Variants in FRY observed in about 807,000 individuals in gnomAD.
FRY encodes the protein FRY microtubule binding protein.
FRY carries 128 observed loss-of-function variants against 348.4 expected under a neutral mutation model. The ratio of observed to expected loss-of-function variants is 0.37; its 90% CI spans 0.32 to 0.43. The LOEUF (loss-of-function observed/expected upper bound fraction) is 0.43. Ranked by LOEUF, FRY falls within the 20% of genes least tolerant of loss-of-function variation. The pLI, the probability that FRY is intolerant of heterozygous loss-of-function variation, is 1.00. For synonymous variants in FRY, 1,370 were observed against 1,374.7 expected, an observed-to-expected ratio of 1.00 and a Z score of 0.08; for missense variants, 2,736 against 3,695.2, an observed-to-expected ratio of 0.74 and a Z score of 6.73.
At chr13:32,143,657 A>G (rs370608780) in intron 11 of FRY, among the ~76,000 whole-genome samples, 1 of 152,250 alleles carries the variant, frequency 6.6e-6, no homozygotes, top group East Asian at 1.9e-4. Flanking sequence ...ATTTCAAATG[A>G]TATGCTATGC....
At chr13:32,290,392 T>C (rs1182775071) in intron 59 of FRY, among the ~76,000 whole-genome samples, 2 of 152,054 alleles carry the variant, frequency 1.3e-5, no homozygotes, top group African/African-American at 4.8e-5. Context: ...ACTGAAGAGC[T>C]TGCTGGAGGA....
Position 32,239,433 on chromosome 13 carries a change from A to T in FRY, c.6516+84A>T, listed in dbSNP as rs1886388505. On this transcript the variant is annotated intron_variant, in intron 45 of 60. Coordinates refer to ENST00000542859, the MANE Select transcript of FRY (RefSeq NM_023037.3). The surrounding 1 kb of genome is among the most constrained non-coding windows in gnomAD (Gnocchi z 4.3). ...GTCAGGCAAATTACAAGGCCCAGAG[A>T]TGGCAGTGATTTTCTCAAAAACTGG... is the stretch of plus-strand genomic sequence containing the variant. 2.4e-6 allele frequency: 2 copies of T among 848,514 alleles called. No individual in the cohort carries two copies. The highest frequency in any genetic ancestry group is 4.8e-5 in the East Asian group (2 of 41,482). 52.6% of individuals were successfully genotyped at this position (848,514 alleles called of 1,614,324 possible).
chr13:32,139,058 A>G lies in FRY; in HGVS notation c.1179+2086A>G, dbSNP rs114683203. Among the ~76,000 whole-genome samples, 817 of 152,358 alleles carry G rather than the reference A, an allele frequency of 5.4e-3. 5 individuals carry two copies. Among genetic ancestry groups the G allele is most frequent in the African/African-American group, 0.019 (786 of 41,586 alleles). ...CGTCAAGGCTAAAAGATATAAAAAT[A>G]TCCTTGATAAGATAAAAATGAAATA... On this transcript the variant is annotated intron_variant, in intron 11 of 60. Transcript: ENST00000542859.
intron 1 of FRY, among the ~76,000 whole-genome samples, chr13:32,057,337 A>G (rs1001795552): frequency 6.6e-6 from 1 of 151,824 alleles, no homozygotes; most frequent in Non-Finnish European, 1.5e-5. Flanking sequence ...ACACCTAGCT[A>G]AATTTTGTAT....
Position 32,234,674 on chromosome 13 carries a change from C to T in FRY, c.5628C>T (p.Ala1876=), listed in dbSNP as rs765207720. The change falls in exon 42 of 61, where the codon GCC becomes GCT. Residue 1876 remains alanine, a synonymous_variant. Transcript: ENST00000542859. ...YAGRSFQIFR[A]LKQPLSAHAL... ...GTCGGTCCTTCCAGATATTCCGGGC[C>T]CTCAAGCAACCTCTGTCAGCACATG... 10 of 1,614,058 alleles carry T rather than the reference C, an allele frequency of 6.2e-6. No individual in the cohort carries two copies. The highest frequency in any genetic ancestry group is 1.6e-4 in the Middle Eastern group (1 of 6,062).
intron 8 of FRY, among the ~76,000 whole-genome samples, chr13:32,132,749 C>T (rs1028245296): frequency 6.6e-6 from 1 of 152,188 alleles, no homozygotes; most frequent in Non-Finnish European, 1.5e-5. Context: ...ATGTTCATAG[C>T]AGCATTATTC....
At chr13:32,231,775 C>T (rs1885928492) in intron 41 of FRY, among the ~76,000 whole-genome samples, 1 of 152,170 alleles carries the variant, frequency 6.6e-6, no homozygotes, top group Non-Finnish European at 1.5e-5. Context: ...CAGTGTGACT[C>T]CTTTAGCATT....
chr13:32,230,728 C>A (rs961598460), intron 40 of FRY, among the ~76,000 whole-genome samples: 1 of 152,158 alleles, frequency 6.6e-6, no homozygotes, highest in East Asian at 1.9e-4. Flanking sequence ...TTTGAGGAAT[C>A]GCCACACTGT....
chr13:32,146,493 G>T (rs1039233800), intron 11 of FRY, among the ~76,000 whole-genome samples: 2 of 151,866 alleles, frequency 1.3e-5, no homozygotes, highest in Non-Finnish European at 2.9e-5. Flanking sequence ...CCGCCACCAG[G>T]CCCAGCTAAT....
At chr13:32,265,233 T>C (rs1229349858) in intron 53 of FRY, among the ~76,000 whole-genome samples, 1 of 152,200 alleles carries the variant, frequency 6.6e-6, no homozygotes, top group African/African-American at 2.4e-5. Flanking sequence ...TTGGGGACCA[T>C]TATGGAAGAG....
intron 14 of FRY, among the ~76,000 whole-genome samples, chr13:32,151,957 G>T (rs972656330): frequency 4.6e-5 from 7 of 152,124 alleles, no homozygotes; most frequent in African/African-American, 1.7e-4. Flanking sequence ...GGATACAAGA[G>T]AAATAAAATC....
rs1417911142 is a variant in FRY at position 32,078,825 on chromosome 13, GT to G, written c.71-4del. 3 of 1,610,382 alleles carry G rather than the reference GT, an allele frequency of 1.9e-6. No homozygotes were observed. The Admixed American group carries it at 5.0e-5, about 27-fold the overall frequency. On this transcript the variant is annotated splice_polypyrimidine_tract_variant and splice_region_variant and intron_variant, in intron 1 of 60. Coordinates refer to ENST00000542859, the MANE Select transcript of FRY (RefSeq NM_023037.3). ...ATCAGCCAGTAAGAATGCCCATTCT[GT>G]TTTTCAGCTTCTCCCGTTGGCAACG...
chr13:32,295,031 T>C (rs982704717), intron 60 of FRY, among the ~76,000 whole-genome samples, 171 bp from the exon 61 acceptor site: 1 of 152,196 alleles, frequency 6.6e-6, no homozygotes, highest in Non-Finnish European at 1.5e-5. Context: ...ACTCTGAAGA[T>C]ACTAAAACCC....
intron 1 of FRY, among the ~76,000 whole-genome samples, chr13:32,068,263 AAAGAG>A (rs1177636379): frequency 6.6e-6 from 1 of 152,168 alleles, no homozygotes; most frequent in Non-Finnish European, 1.5e-5. Flanking sequence ...AGAAATTAGA[AAAGAG>A]AAGAAAATGA....
At chr13:32,162,296 A>G (rs1298007751) in intron 17 of FRY, among the ~76,000 whole-genome samples, 1 of 152,300 alleles carries the variant, frequency 6.6e-6, no homozygotes, top group Admixed American at 6.5e-5. Flanking sequence ...TGAATGATGC[A>G]TTACACATAG....
chr13:32,045,463 T>C (rs1872972647), intron 1 of FRY, among the ~76,000 whole-genome samples: 1 of 152,222 alleles, frequency 6.6e-6, no homozygotes, highest in Non-Finnish European at 1.5e-5. Flanking sequence ...GCTTTGAACG[T>C]TGATCTCCAC....
intron 55 of FRY, among the ~76,000 whole-genome samples, chr13:32,268,499 A>ATAT (rs61001159): frequency 5.0e-4 from 8 of 15,986 alleles, no homozygotes; most frequent in African/African-American, 1.2e-3. Flanking sequence ...AAAAAAAAAA[A>ATAT]AAAAAAATAT....
chr13:32,191,919 A>G (rs1310421053), intron 28 of FRY, among the ~76,000 whole-genome samples: 1 of 152,188 alleles, frequency 6.6e-6, no homozygotes, highest in African/African-American at 2.4e-5. Context: ...AGTCTATAGC[A>G]TGAGGGAAAT....
At chr13:32,228,015 G>A (rs1885686760) in intron 39 of FRY, among the ~76,000 whole-genome samples, 1 of 152,214 alleles carries the variant, frequency 6.6e-6, no homozygotes, top group Non-Finnish European at 1.5e-5. Flanking sequence ...CTCCCAAAGT[G>A]CTGGGATTAC....
Sources: allele counts gnomAD v4.1 joint callset (sites outside exome capture counted in the v4.1 genomes callset), GRCh38; gene constraint gnomAD v4.1.1; non-coding constraint Gnocchi (gnomAD v3.1); transcripts MANE v1.5; gene names NCBI Gene and HGNC (gene_info 2026-07-23, HGNC 2026-07-21).